SLC1A1: variants seen among roughly 807,000 people sequenced by gnomAD.
SLC1A1 encodes the protein solute carrier family 1 member 1.
SLC1A1 carries 43 observed loss-of-function variants against 53.3 expected under a neutral mutation model. The observed-to-expected ratio is 0.81, with a 90% CI of 0.63 to 1.04. The LOEUF is 1.04. Ranked by LOEUF, SLC1A1 falls within the 50% of genes least tolerant of loss-of-function variation. The pLI is 0.00. For synonymous variants in SLC1A1, 307 were observed against 243.2 expected, an observed-to-expected ratio of 1.26 and a Z score of -2.44; for missense variants, 748 against 664.9, an observed-to-expected ratio of 1.12 and a Z score of -1.37.
At chr9:4,563,372 A>G (rs1216751585) in intron 3 of SLC1A1, among the ~76,000 whole-genome samples, 1 of 152,184 alleles carries the variant, frequency 6.6e-6, no homozygotes, top group African/African-American at 2.4e-5. Flanking sequence ...AGACACAGAG[A>G]AAAAATAGCA....
chr9:4,492,499 G>C (rs955166546), intron 1 of SLC1A1, among the ~76,000 whole-genome samples: 2 of 147,044 alleles, frequency 1.4e-5, no homozygotes, highest in Non-Finnish European at 3.0e-5. Context: ...AAAAAAAAAA[G>C]GAAAAGGACT....
intron 10 of SLC1A1, 82 bp downstream of exon 10, chr9:4,576,845 A>G: frequency 8.1e-7 from 1 of 1,241,456 alleles, no homozygotes. Flanking sequence ...GGACACCAAG[A>G]ATGTCGCAGT....
chr9:4,571,598 A>C (rs1586831099), intron 6 of SLC1A1, among the ~76,000 whole-genome samples: 1 of 151,958 alleles, frequency 6.6e-6, no homozygotes, highest in Non-Finnish European at 1.5e-5. Flanking sequence ...AATTGCTTGA[A>C]CCCGGGAGGT....
At chr9:4,578,042 A>G (rs1820727276) in intron 10 of SLC1A1, among the ~76,000 whole-genome samples, 1 of 152,252 alleles carries the variant, frequency 6.6e-6, no homozygotes, top group South Asian at 2.1e-4. Flanking sequence ...GAACGAGTGT[A>G]AGAGAAGCAC....
At chr9:4,532,623 A>G (rs2130855856) in intron 1 of SLC1A1, among the ~76,000 whole-genome samples, 1 of 152,330 alleles carries the variant, frequency 6.6e-6, no homozygotes, top group South Asian at 2.1e-4. Context: ...AAAGGAACCA[A>G]GTTGGAAAAC....
chr9:4,512,191 G>A (rs1323427850), intron 1 of SLC1A1, among the ~76,000 whole-genome samples: 1 of 152,246 alleles, frequency 6.6e-6, no homozygotes, highest in East Asian at 1.9e-4. Context: ...AGGGATTTTT[G>A]TAGATATACC....
intron 10 of SLC1A1, among the ~76,000 whole-genome samples, chr9:4,580,461 G>T (rs1820955186): frequency 6.6e-6 from 1 of 151,798 alleles, no homozygotes; most frequent in South Asian, 2.1e-4. Context: ...TGCATCTGTG[G>T]TCTCAGCTAC....
intron 1 of SLC1A1, among the ~76,000 whole-genome samples, chr9:4,538,891 C>G (rs963159970): frequency 6.6e-6 from 1 of 152,168 alleles, no homozygotes; most frequent in African/African-American, 2.4e-5. Flanking sequence ...AAGTGTTCTT[C>G]TAAACTTATT....
chr9:4,506,817 G>A (rs1820824748), intron 1 of SLC1A1, among the ~76,000 whole-genome samples: 1 of 152,170 alleles, frequency 6.6e-6, no homozygotes, highest in South Asian at 2.1e-4. Context: ...TATGCAGCCA[G>A]TAATTCTTTC....
chr9:4,548,476 G>A (rs930072016), intron 2 of SLC1A1, among the ~76,000 whole-genome samples: 1 of 152,042 alleles, frequency 6.6e-6, no homozygotes, highest in Non-Finnish European at 1.5e-5. Context: ...CTGTGCTCCT[G>A]CATAAAGGAA....
At chr9:4,500,307 T>C (rs1820587207) in intron 1 of SLC1A1, among the ~76,000 whole-genome samples, 1 of 152,182 alleles carries the variant, frequency 6.6e-6, no homozygotes, top group Admixed American at 6.5e-5. Context: ...TGGCCTTTTC[T>C]ATTTTGTTTG....
intron 10 of SLC1A1, among the ~76,000 whole-genome samples, chr9:4,580,651 G>GTGTGTGTGTGTGTGTATGTGTGTA (rs370378540): frequency 5.9e-5 from 7 of 118,836 alleles, no homozygotes; most frequent in African/African-American, 2.0e-4. Flanking sequence ...GTGTGTGTGT[G>GTGTGTGTGTGTGTGTATGTGTGTA]TATAAGGAAT....
chr9:4,557,812 G>A (rs1818562867), intron 2 of SLC1A1, among the ~76,000 whole-genome samples: 2 of 152,102 alleles, frequency 1.3e-5, no homozygotes, highest in African/African-American at 4.8e-5. Context: ...TGTAGCACAT[G>A]GATAGAGCCA....
At chr9:4,555,927 C>G (rs1362686921) in intron 2 of SLC1A1, among the ~76,000 whole-genome samples, 5 of 151,906 alleles carry the variant, frequency 3.3e-5, no homozygotes, top group African/African-American at 1.2e-4. Flanking sequence ...CCTTCGTAAA[C>G]TATAGTTAGA....
chr9:4,549,954 C>T lies in SLC1A1; in HGVS notation c.232+5247C>T, dbSNP rs1384594885. 1.3e-5 allele frequency among the ~76,000 whole-genome samples: 2 copies of T among 152,158 alleles called. No homozygotes were observed. Among genetic ancestry groups the T allele is most frequent in the South Asian group, 2.1e-4 (1 of 4,832 alleles). On this transcript the variant is annotated intron_variant, in intron 2 of 11. Transcript: ENST00000262352. The surrounding 1 kb of genome is among the most constrained non-coding windows in gnomAD (Gnocchi z 4.1). ...GTCGCAGCTCTGGATTTCCTAAAAA[C>T]GCCTGCTCAAACAAGGGCACACACA...
intron 1 of SLC1A1, among the ~76,000 whole-genome samples, chr9:4,526,859 G>A (rs190490775): frequency 6.6e-6 from 1 of 151,850 alleles, no homozygotes; most frequent in Admixed American, 6.6e-5. Context: ...AACATACCCT[G>A]CATAATCCCC....
intron 1 of SLC1A1, among the ~76,000 whole-genome samples, chr9:4,503,454 A>G (rs893025311): frequency 4.0e-5 from 6 of 151,842 alleles, no homozygotes; most frequent in African/African-American, 1.5e-4. Context: ...AATCACTAAC[A>G]TGATCCTGAG....
intron 1 of SLC1A1, among the ~76,000 whole-genome samples, chr9:4,491,360 G>C (rs796996579): frequency 6.6e-6 from 1 of 152,228 alleles, no homozygotes; most frequent in Non-Finnish European, 1.5e-5. Flanking sequence ...GCTCTGAAAA[G>C]CTGCCAGATT....
chr9:4,544,918 T>A (rs547985689), intron 2 of SLC1A1, among the ~76,000 whole-genome samples: 10 of 152,250 alleles, frequency 6.6e-5, no homozygotes, highest in African/African-American at 2.4e-4. Context: ...GGAGAAAGGC[T>A]GGGCGAAGCA....
Sources: allele counts gnomAD v4.1 joint callset (sites outside exome capture counted in the v4.1 genomes callset), GRCh38; gene constraint gnomAD v4.1.1; non-coding constraint Gnocchi (gnomAD v3.1); transcripts MANE v1.5; gene names NCBI Gene and HGNC (gene_info 2026-07-23, HGNC 2026-07-21).